PPP2R2B: variants seen among roughly 807,000 people sequenced by gnomAD.
PPP2R2B encodes the protein serine/threonine-protein phosphatase 2A 55 kDa regulatory subunit B beta isoform.
Under a neutral mutation model 46.0 loss-of-function variants are expected in PPP2R2B, and 5 were observed. The observed-to-expected ratio is 0.11, with a 90% CI of 0.06 to 0.23. PPP2R2B has a LOEUF of 0.23. Among genes scored for constraint, PPP2R2B ranks in the 10% least tolerant of loss-of-function variants. The pLI is 1.00. For missense variants in PPP2R2B, 367 were observed against 575.0 expected (o/e 0.64, Z 3.70); for synonymous variants, 215 against 206.7 (o/e 1.04, Z -0.34).
chr5:146,684,852 T>TA (rs1201204723), intron 5 of PPP2R2B, among the ~76,000 whole-genome samples: 1 of 152,194 alleles, frequency 6.6e-6, no homozygotes, highest in Admixed American at 6.5e-5. Flanking sequence ...TGTCATTTCT[T>TA]AGAGTCCAAC....
At position 146,949,163 on chromosome 5, in the gene PPP2R2B, A is replaced by G. The variant is rs80307097; in HGVS notation, c.79+106502T>C. 4.6e-5 allele frequency among the ~76,000 whole-genome samples: 7 copies of G among 152,182 alleles called. No individual in the cohort carries two copies. The East Asian group carries it at 1.4e-3, about 29-fold the overall frequency. The stretch of plus-strand genomic sequence containing the variant: ...GCTAACATTTGACATGAGTGGTACT[A>G]TTAAGCTTCAAGAATAGTTTTTTTT... On this transcript the variant is annotated intron_variant, in intron 1 of 8. Transcript: ENST00000336640.
rs549200794 is a variant in PPP2R2B at position 146,939,830 on chromosome 5, C to G, written c.79+115835G>C. 6.4e-4 allele frequency among the ~76,000 whole-genome samples: 98 copies of G among 152,234 alleles called. 1 individual carries two copies. Among genetic ancestry groups the G allele is most frequent in the African/African-American group, 2.2e-3 (93 of 41,544 alleles). On this transcript the variant is annotated intron_variant, in intron 1 of 8. Coordinates refer to the PPP2R2B transcript ENST00000336640. ...TAAAAAATAAGCTGTTCTTATACTT[C>G]CCAACATTATATACCTAACTGTTCC...
At chr5:147,058,182 C>G (rs1407582882), upstream of PPP2R2B, among the ~76,000 whole-genome samples, 2 of 152,056 alleles carry the variant, frequency 1.3e-5, no homozygotes, top group African/African-American at 2.4e-5. Context: ...ATGGATAAAT[C>G]AATATATATG....
At chr5:146,659,860 G>T (rs1452298197) in intron 5 of PPP2R2B, among the ~76,000 whole-genome samples, 1 of 152,116 alleles carries the variant, frequency 6.6e-6, no homozygotes, top group Non-Finnish European at 1.5e-5. Context: ...TAGAAAAATG[G>T]TCCATTCTGA....
At chr5:146,902,798 C>T (rs749574342) in intron 1 of PPP2R2B, among the ~76,000 whole-genome samples, 1 of 150,816 alleles carries the variant, frequency 6.6e-6, no homozygotes. Flanking sequence ...ATTCAGAGCA[C>T]ACCTCTTCTC....
intron 1 of PPP2R2B, among the ~76,000 whole-genome samples, chr5:146,991,239 T>C (rs1456901447): frequency 6.6e-6 from 1 of 152,076 alleles, no homozygotes; most frequent in Non-Finnish European, 1.5e-5. Context: ...ACAAAGGAAA[T>C]GAAATCAGTA....
chr5:146,823,372 T>A (rs1427971071), intron 2 of PPP2R2B, among the ~76,000 whole-genome samples: 1 of 152,034 alleles, frequency 6.6e-6, no homozygotes, highest in African/African-American at 2.4e-5. Flanking sequence ...TAATTTTTTT[T>A]ATTTTTGATA....
chr5:146,708,393 GTATGTGTGTGTGTA>G (rs1370868752), intron 2 of PPP2R2B, among the ~76,000 whole-genome samples: 5 of 129,278 alleles, frequency 3.9e-5, no homozygotes, highest in African/African-American at 1.5e-4. Flanking sequence ...GTATATCTAT[GTATGTGTGTGTGTA>G]TGTGTGTGTG....
At chr5:146,887,257 T>G (rs1342063451) in intron 1 of PPP2R2B, among the ~76,000 whole-genome samples, 1 of 152,144 alleles carries the variant, frequency 6.6e-6, no homozygotes. Flanking sequence ...CAAATCTAGC[T>G]ACATTTCTAG....
At chr5:146,889,360 G>C (rs1393550562) in intron 1 of PPP2R2B, among the ~76,000 whole-genome samples, 1 of 152,126 alleles carries the variant, frequency 6.6e-6, no homozygotes, top group East Asian at 1.9e-4. Context: ...TGTGACTTAG[G>C]GTGGAAGCTT....
intron 2 of PPP2R2B, among the ~76,000 whole-genome samples, chr5:146,860,056 CT>C (rs1760894719): frequency 6.6e-6 from 1 of 152,150 alleles, no homozygotes; most frequent in Non-Finnish European, 1.5e-5. Flanking sequence ...AACAATTTTT[CT>C]AGTGATTTTA....
At chr5:146,732,149 C>CTA (rs1204875431) in intron 2 of PPP2R2B, among the ~76,000 whole-genome samples, 3 of 152,200 alleles carry the variant, frequency 2.0e-5, no homozygotes, top group African/African-American at 7.2e-5. Flanking sequence ...AATCACCACT[C>CTA]ATTTATTCTG....
intron 4 of PPP2R2B, among the ~76,000 whole-genome samples, chr5:146,692,725 G>A (rs1368684081): frequency 2.6e-5 from 4 of 151,586 alleles, no homozygotes; most frequent in African/African-American, 4.8e-5. Context: ...TAGTAGAGAC[G>A]GGGTTTCACC....
At chr5:146,843,461 C>T (rs1011756772) in intron 2 of PPP2R2B, among the ~76,000 whole-genome samples, 1 of 152,004 alleles carries the variant, frequency 6.6e-6, no homozygotes, top group Non-Finnish European at 1.5e-5. Flanking sequence ...GAACTTATTC[C>T]CAATGAGCTT....
At chr5:146,991,308 T>G (rs59774081) in intron 1 of PPP2R2B, among the ~76,000 whole-genome samples, 2,816 of 152,170 alleles carry the variant, frequency 0.019, 97 homozygotes, top group African/African-American at 0.065. Flanking sequence ...ATAGCCAAGA[T>G]AGGAAATCAA....
intron 2 of PPP2R2B, among the ~76,000 whole-genome samples, chr5:146,812,789 G>GTTTATATATATATATATATATA (rs1223828568): frequency 1.6e-4 from 1 of 6,414 alleles, no homozygotes; most frequent in Non-Finnish European, 2.8e-4. Flanking sequence ...GTGTGTATAT[G>GTTTATATATATATATATATATA]TGTGTATATA....
rs150241846 is a variant in PPP2R2B at position 146,590,094 on chromosome 5, C to T, written c.1185G>A (p.Val395=). The T allele has an allele frequency of 1.2e-6, 2 of 1,614,118 alleles. No individual in the cohort carries two copies. The highest frequency in any genetic ancestry group is 1.3e-5 in the African/African-American group (1 of 75,010). ...TCTCGTCTTTTCTCCGCTTGCCCCCCACACACACTTTTCGGGGTTTGAGGA... is the reference window on the plus strand; with the variant it reads ...TCTCGTCTTTTCTCCGCTTGCCCCCTACACACACTTTTCGGGGTTTGAGGA... ...RAILKPRKVC[V]GGKRRKDEIS... The change falls in exon 10 of 10, where the codon GTG becomes GTA. Residue 395 remains valine, a synonymous_variant. Transcript: ENST00000394411.
chr5:147,053,239 C>A (rs1184791830), intron 1 of PPP2R2B, among the ~76,000 whole-genome samples: 1 of 146,886 alleles, frequency 6.8e-6, no homozygotes, highest in Non-Finnish European at 1.5e-5. Context: ...CACGCGCACA[C>A]AAAAAAAGCA....
At position 146,834,410 on chromosome 5, in the gene PPP2R2B, C is replaced by T. The variant is rs565773040; in HGVS notation, c.70+43592G>A. On this transcript the variant is annotated intron_variant, in intron 2 of 9. Coordinates refer to ENST00000394411, the MANE Select transcript of PPP2R2B (RefSeq NM_181675.4). Reference sequence around the variant, plus strand: ...ATCAAAAGTCTTAAACACTCCTTTACACTGCCTTTCTTGGCAAGTTGAATT... The same window carrying T: ...ATCAAAAGTCTTAAACACTCCTTTATACTGCCTTTCTTGGCAAGTTGAATT... Among the ~76,000 whole-genome samples, 368 of 152,350 alleles carry T rather than the reference C, an allele frequency of 2.4e-3. 2 individuals carry two copies. The highest frequency in any genetic ancestry group is 8.2e-3 in the African/African-American group (341 of 41,576).
Sources: allele counts gnomAD v4.1 joint callset (sites outside exome capture counted in the v4.1 genomes callset), GRCh38; gene constraint gnomAD v4.1.1; transcripts MANE v1.5; gene names NCBI Gene and HGNC (gene_info 2026-07-23, HGNC 2026-07-21).